TNKS: variants seen among roughly 807,000 people sequenced by gnomAD.
The protein encoded by TNKS is tankyrase.
TNKS carries 72 observed loss-of-function variants against 135.8 expected under a neutral mutation model. The observed-to-expected ratio is 0.53, with a 90% CI of 0.44 to 0.64. TNKS has a LOEUF of 0.64. Ranked by LOEUF, TNKS falls within the 30% of genes least tolerant of loss-of-function variation. TNKS has a pLI of 0.00. For synonymous variants in TNKS, 849 were observed against 649.3 expected, an observed-to-expected ratio of 1.31 and a Z score of -4.68; for missense variants, 1,769 against 1,674.0, an observed-to-expected ratio of 1.06 and a Z score of -0.99.
chr8:9,658,797 A>AT, intron 3 of TNKS, among the ~76,000 whole-genome samples: 1 of 152,380 alleles, frequency 6.6e-6, no homozygotes, highest in South Asian at 2.1e-4. Flanking sequence ...GGCAAATTGG[A>AT]TAAAGAGTCA....
chr8:9,614,575 C>G (rs1187061471), intron 2 of TNKS, among the ~76,000 whole-genome samples: 3 of 152,096 alleles, frequency 2.0e-5, no homozygotes, highest in Non-Finnish European at 4.4e-5. Context: ...GTATTACCTT[C>G]CAAATATTGC....
chr8:9,616,247 A>C (rs1372054089), intron 3 of TNKS, among the ~76,000 whole-genome samples: 1 of 152,196 alleles, frequency 6.6e-6, no homozygotes, highest in Non-Finnish European at 1.5e-5. Context: ...AGTTTTATTA[A>C]AGCAAATGCC....
intron 2 of TNKS, among the ~76,000 whole-genome samples, chr8:9,608,742 TCAGTGTAACCAC>T (rs1232594826): frequency 1.9e-4 from 29 of 152,212 alleles, no homozygotes; most frequent in Admixed American, 1.4e-3. Flanking sequence ...TCTTCTCAGT[TCAGTGTAACCAC>T]CATGTTCTGC....
chr8:9,655,651 A>G (rs1801331065), intron 3 of TNKS, among the ~76,000 whole-genome samples: 1 of 152,244 alleles, frequency 6.6e-6, no homozygotes, highest in Non-Finnish European at 1.5e-5. Context: ...GTGGACCTCC[A>G]GCAAACTCCA....
At chr8:9,717,071 TAATATA>T (rs1216947955) in intron 11 of TNKS, among the ~76,000 whole-genome samples, 185 of 13,784 alleles carry the variant, frequency 0.013, 17 homozygotes, top group Non-Finnish European at 0.022. Context: ...TGTTGTATTA[TAATATA>T]TATATATATA....
chr8:9,749,296 A>G (rs1477813385), intron 18 of TNKS, among the ~76,000 whole-genome samples: 2 of 152,044 alleles, frequency 1.3e-5, no homozygotes, highest in Non-Finnish European at 2.9e-5. Flanking sequence ...TGCTCCCCCC[A>G]CCAACAGGGG....
At chr8:9,773,234 C>A (rs1808041159) in intron 26 of TNKS, among the ~76,000 whole-genome samples, 1 of 151,718 alleles carries the variant, frequency 6.6e-6, no homozygotes, top group South Asian at 2.1e-4. Flanking sequence ...TCATCACTGT[C>A]TTATCACAAT....
rs868639347 is a variant in TNKS, at chr8:9,770,395, C to T, written c.3897+133C>T. The T allele has an allele frequency of 3.1e-5, 30 of 977,528 alleles. No individual in the cohort carries two copies. In the African/African-American group the frequency reaches 4.5e-4, roughly 15 times the overall value. The allele number at this position is 977,528 out of a possible 1,614,324, so 60.6% of individuals were successfully genotyped here. A position where few individuals can be genotyped will look rare whatever the true frequency, so the allele number is the denominator to read the frequency against. ...GTGCTAGTATTAATTACTTCAGATA[C>T]AAAATAAAGGTATCAAAATAATTCT... On this transcript the variant is annotated intron_variant, in intron 26 of 26. Transcript: ENST00000310430.
At chr8:9,747,048 A>G (rs1387286844) in intron 17 of TNKS, among the ~76,000 whole-genome samples, 2 of 151,424 alleles carry the variant, frequency 1.3e-5, no homozygotes, top group East Asian at 1.9e-4. Context: ...ATGCCCAGCT[A>G]ATTTTTGTAT....
intron 26 of TNKS, among the ~76,000 whole-genome samples, chr8:9,776,037 C>T (rs1470602218): frequency 6.6e-6 from 1 of 151,936 alleles, no homozygotes; most frequent in African/African-American, 2.4e-5. Flanking sequence ...CCAGACACAG[C>T]CTTGTGTTTT....
intron 17 of TNKS, among the ~76,000 whole-genome samples, chr8:9,744,377 C>G (rs1248197285): frequency 6.6e-6 from 1 of 152,162 alleles, no homozygotes; most frequent in East Asian, 1.9e-4. Flanking sequence ...CCAGTGCTTT[C>G]TCTAAAATGG....
chr8:9,754,072 T>G (rs1307395286), intron 20 of TNKS, among the ~76,000 whole-genome samples: 1 of 152,210 alleles, frequency 6.6e-6, no homozygotes, highest in East Asian at 1.9e-4. Flanking sequence ...ACATTTGCAT[T>G]GAATTTGAGG....
intron 20 of TNKS, among the ~76,000 whole-genome samples, chr8:9,755,986 C>T: frequency 6.6e-6 from 1 of 152,112 alleles, no homozygotes; most frequent in East Asian, 1.9e-4. Flanking sequence ...AAATATAGTA[C>T]CCATGTGACT....
intron 6 of TNKS, among the ~76,000 whole-genome samples, chr8:9,705,545 A>G (rs956703396): frequency 8.5e-5 from 13 of 152,330 alleles, no homozygotes; most frequent in Admixed American, 8.5e-4. Context: ...GACACTTACC[A>G]GAAGAATTCT....
rs753851938 is a variant in TNKS, at chr8:9,556,168, A to G, written c.229A>G (p.Arg77Gly). 1.2e-6 allele frequency: 2 copies of G among 1,611,516 alleles called. No individual in the cohort carries two copies. Among genetic ancestry groups the G allele is most frequent in the South Asian group, 1.1e-5 (1 of 90,958 alleles). The change falls in exon 1 of 27, where the codon AGG (arginine) becomes GGG (glycine). Residue 77 changes from arginine (R) to glycine (G), a missense_variant. Transcript: ENST00000310430. The part of the protein sequence containing the change: ...EGDGSRDPPD[R>G]PRSPDPVDGT... ...GGATGGCAGTCGGGATCCGCCCGAC[A>G]GGCCCCGATCCCCGGACCCGGTTGA...
At chr8:9,604,165 C>T (rs1322533953) in intron 2 of TNKS, among the ~76,000 whole-genome samples, 3 of 152,086 alleles carry the variant, frequency 2.0e-5, no homozygotes, top group Non-Finnish European at 4.4e-5. Context: ...GCATTATAGG[C>T]ACATTACCTC....
intron 11 of TNKS, 27 bp from the exon 12 acceptor site, chr8:9,720,347 C>G: frequency 6.5e-7 from 1 of 1,549,620 alleles, no homozygotes; most frequent in Non-Finnish European, 8.7e-7. Context: ...ATGCTCAATT[C>G]CATGTGCCCA....
At chr8:9,652,521 C>G (rs1227190974) in intron 3 of TNKS, among the ~76,000 whole-genome samples, 1 of 152,036 alleles carries the variant, frequency 6.6e-6, no homozygotes, top group African/African-American at 2.4e-5. Context: ...TAAAAAATAC[C>G]TCTCCTTTTT....
intron 2 of TNKS, among the ~76,000 whole-genome samples, chr8:9,607,134 T>C (rs1286809191): frequency 6.6e-6 from 1 of 152,180 alleles, no homozygotes; most frequent in African/African-American, 2.4e-5. Context: ...AAAAAGAAGT[T>C]TAAAAAATTA....
Sources: gnomAD v4.1 joint callset for allele counts (sites outside exome capture counted in the v4.1 genomes callset) on GRCh38, gnomAD v4.1.1 for gene constraint, MANE v1.5 for transcripts, NCBI Gene and HGNC (gene_info 2026-07-23, HGNC 2026-07-21) for gene names.